Variants in MCM3 observed in about 807,000 individuals in gnomAD.
MCM3 encodes DNA replication licensing factor MCM3.
A neutral mutation model predicts 91.3 loss-of-function variants in MCM3; 59 were observed. The ratio of observed to expected loss-of-function variants is 0.65; its 90% CI spans 0.52 to 0.80. MCM3 has a LOEUF of 0.80. MCM3 is among the 30% of genes least tolerant of loss of function. The pLI is 0.00. For synonymous variants in MCM3, 383 were observed against 379.6 expected (o/e 1.01, Z -0.10); for missense variants, 919 against 1,035.4 (o/e 0.89, Z 1.54).
chr6:52,272,592 A>G, intron 11 of MCM3, 141 bp from the exon 12 acceptor site: 1 of 725,748 alleles, frequency 1.4e-6, no homozygotes, highest in Admixed American at 3.1e-5. Context: ...TGGAACATAG[A>G]CAAGACTCTT....
At chr6:52,267,096 C>CTTTTTTTTTTTTTTTTTTTT (rs70977337) in intron 14 of MCM3, among the ~76,000 whole-genome samples, 2 of 111,572 alleles carry the variant, frequency 1.8e-5, no homozygotes. Flanking sequence ...AGGGTATCTT[C>CTTTTTTTTTTTTTTTTTTTT]TTTTTTTTTT....
Position 52,278,724 on chromosome 6 carries a change from T to G in MCM3, c.879+18A>C. ...AGAAATCCATTCCCACCCTCAAATT[T>G]CTAAAGGATGCCCAGACCTTGGATC... is the stretch of plus-strand genomic sequence containing the variant. On this transcript the variant is annotated intron_variant, in intron 6 of 16. Coordinates refer to ENST00000596288, the MANE Select transcript of MCM3 (RefSeq NM_002388.6). 6.3e-7 allele frequency: 1 copy of G among 1,575,250 alleles called. No individual in the cohort carries two copies. The highest frequency in any genetic ancestry group is 1.1e-5 in the South Asian group (1 of 88,900).
intron 2 of MCM3, 136 bp downstream of exon 2, chr6:52,283,153 AAAAAT>A (rs1174527194): frequency 3.2e-5 from 20 of 616,022 alleles, no homozygotes; most frequent in East Asian, 2.4e-4. Flanking sequence ...AAAAAAAAAA[AAAAAT>A]AGGTGCAGGT....
chr6:52,274,064 A>G (rs1445191093), intron 9 of MCM3, 148 bp from the exon 10 acceptor site: 1 of 617,304 alleles, frequency 1.6e-6, no homozygotes, highest in African/African-American at 1.9e-5. Flanking sequence ...AGTGTTTTAA[A>G]GCCATTAAAC....
Position 52,276,408 on chromosome 6 carries a change from C to A in MCM3, c.1234G>T (p.Asp412Tyr). 6.2e-7 allele frequency: 1 copy of A among 1,614,194 alleles called. No homozygotes were observed. Among genetic ancestry groups the A allele is most frequent in the South Asian group, 1.1e-5 (1 of 91,054 alleles). ...GTGCGATCCATGTCAGACATTTTGT[C>A]AAATTCATCAATGCAAACCACGCCT... ...DRGVVCIDEFDKMSDMDRTAI... is the reference protein window; with the variant it reads ...DRGVVCIDEFYKMSDMDRTAI... The change falls in exon 9 of 17, where the codon GAC (aspartate) becomes TAC (tyrosine). Residue 412 changes from aspartate to tyrosine, a missense_variant. Physicochemically the swap from Asp to Tyr is radical, Grantham distance 160. Around this residue, in one of 3 missense-constraint regions of MCM3, gnomAD observed 233 missense variants for 321.2 expected, o/e 0.73. Transcript: ENST00000596288.
intron 4 of MCM3, 120 bp from the exon 5 acceptor site, chr6:52,279,719 C>T: frequency 1.3e-6 from 1 of 750,502 alleles, no homozygotes; most frequent in Non-Finnish European, 2.2e-6. Flanking sequence ...ACAAAAAAAG[C>T]CAAGTACCTT....
Position 52,272,361 on chromosome 6 carries a change from G to A in MCM3, c.1767C>T (p.Tyr589=). ...KPVLTQESAT[Y]IAEEYSRLRS... ...GCAGGCGTGAATACTCTTCTGCAAT[G>A]TAGGTGGCCGACTCCTGTGTCAGGA... The change falls in exon 12 of 17, where the codon TAC becomes TAT. Residue 589 remains tyrosine (Y), a synonymous_variant. Coordinates refer to ENST00000596288, the MANE Select transcript of MCM3 (RefSeq NM_002388.6). 6.2e-7 allele frequency: 1 copy of A among 1,614,192 alleles called. No homozygotes were observed. The highest frequency in any genetic ancestry group is 8.5e-7 in the Non-Finnish European group (1 of 1,180,036).
Position 52,277,617 on chromosome 6 carries a change from G to T in MCM3, c.951C>A (p.Ile317=), listed in dbSNP as rs759989347. The T allele has an allele frequency of 1.2e-6, 2 of 1,614,060 alleles. No homozygotes were observed. Among genetic ancestry groups the T allele is most frequent in the Non-Finnish European group, 8.5e-7 (1 of 1,179,966 alleles). The part of the protein sequence containing the change: ...IHGHDYVKKA[I]LCLLLGGVER... ...CCACCCCTCCCAAGAGCAAGCAGAG[G>T]ATTGCTTTCTTGACATAGTCATGCC... is the stretch of plus-strand genomic sequence containing the variant. The change falls in exon 7 of 17, where the codon ATC becomes ATA. Residue 317 remains isoleucine, a synonymous_variant. Transcript: ENST00000596288.
Position 52,276,347 on chromosome 6 carries a change from G to A in MCM3, c.1295C>T (p.Thr432Ile). 6.2e-7 allele frequency: 1 copy of A among 1,613,910 alleles called. No individual in the cohort carries two copies. The highest frequency in any genetic ancestry group is 8.5e-7 in the Non-Finnish European group (1 of 1,180,026). ...IHEVMEQGRV[T>I]IAKAGIHARL... ...AGCATGGATGCCAGCCTTGGCAATG[G>A]TCACTCGACCCTGCTCCATCACTTC... is the stretch of plus-strand genomic sequence containing the variant. Residue 432 changes from threonine to isoleucine, a missense_variant, in exon 9 of 17, where the codon ACC becomes ATC. Coordinates refer to ENST00000596288, the MANE Select transcript of MCM3 (RefSeq NM_002388.6).
rs546397665 is a variant in MCM3, at chr6:52,283,435, A to G, written c.79-29T>C. On this transcript the variant is annotated intron_variant, in intron 1 of 16. Transcript: ENST00000596288. The stretch of plus-strand genomic sequence containing the variant: ...CAAAACAGCCACCACATATCACCAT[A>G]GCCACAAATTTAAAAACAATGTTTC... 5.5e-6 allele frequency: 8 copies of G among 1,445,534 alleles called. No homozygotes were observed. In the African/African-American group the frequency reaches 9.8e-5, roughly 18 times the overall value. 89.5% of individuals were successfully genotyped at this position (1,445,534 alleles called of 1,614,324 possible). A position where few individuals can be genotyped will look rare whatever the true frequency, so the allele number is the denominator to read the frequency against.
At chr6:52,266,777 A>C (rs950534552) in intron 14 of MCM3, 81 bp from the exon 15 acceptor site, 7 of 1,057,030 alleles carry the variant, frequency 6.6e-6, no homozygotes, top group Non-Finnish European at 1.0e-5. Flanking sequence ...GCCTCTAACT[A>C]CGGAGAAAAG....
intron 1 of MCM3, among the ~76,000 whole-genome samples, chr6:52,283,720 A>C (rs568386143): frequency 2.0e-5 from 3 of 152,360 alleles, no homozygotes; most frequent in Admixed American, 2.0e-4. Context: ...GAGAAGTCTA[A>C]ATGGACAGTA....
intron 16 of MCM3, 152 bp from the exon 17 acceptor site, chr6:52,264,938 T>C: frequency 1.5e-6 from 1 of 669,006 alleles, no homozygotes; most frequent in Non-Finnish European, 2.6e-6. Context: ...ATGGCAGTGC[T>C]ACCCTTGAGG....
rs754087825 is a variant in MCM3 at position 52,282,809 on chromosome 6, C to G, written c.244G>C (p.Asp82His). The G allele has an allele frequency of 9.3e-6, 15 of 1,613,956 alleles. No individual in the cohort carries two copies. Among genetic ancestry groups the G allele is most frequent in the Non-Finnish European group, 1.1e-5 (13 of 1,180,036 alleles). The stretch of plus-strand genomic sequence containing the variant: ...GTAGCATCAATGGAGGCCACAAAAT[C>G]CTTTAAGGCCCGCTGGAAGGCAACC... ...ELVAFQRALK[D>H]FVASIDATYA... Residue 82 changes from aspartate to histidine, a missense_variant, in exon 3 of 17, where the codon GAT (aspartate) becomes CAT (histidine). Physicochemically the swap from Asp to His is moderately conservative, Grantham distance 81. Transcript: ENST00000596288.
At chr6:52,272,524 T>G in intron 11 of MCM3, 73 bp from the exon 12 acceptor site, 2 of 1,573,530 alleles carry the variant, frequency 1.3e-6, no homozygotes, top group South Asian at 1.1e-5. Context: ...GCTTTGCCTC[T>G]CAGAAAAGCC....
At position 52,282,039 on chromosome 6, in the gene MCM3, C is replaced by T. The variant is rs760928395; in HGVS notation, c.531+6G>A. The T allele has an allele frequency of 2.5e-6, 4 of 1,613,884 alleles. 1 individual carries two copies. Among genetic ancestry groups the T allele is most frequent in the Middle Eastern group, 1.7e-4 (1 of 6,058 alleles). On this transcript the variant is annotated splice_donor_region_variant and intron_variant, in intron 4 of 16. Coordinates refer to ENST00000596288, the MANE Select transcript of MCM3 (RefSeq NM_002388.6). Reference sequence around the variant, plus strand: ...CAAGACAGCTCAACTGATTTATCCCCCTTACCTTGGTAGGATAGACAGAGC... The same window carrying T: ...CAAGACAGCTCAACTGATTTATCCCTCTTACCTTGGTAGGATAGACAGAGC...
chr6:52,265,146 T>G (rs1764543982), intron 16 of MCM3: 1 of 346,984 alleles, frequency 2.9e-6, no homozygotes, highest in Admixed American at 4.2e-5. Context: ...GAGTGCACAC[T>G]GATAAATTTA....
chr6:52,273,605 A>C (rs930432823), intron 10 of MCM3, 137 bp downstream of exon 10: 1 of 884,104 alleles, frequency 1.1e-6, no homozygotes, highest in African/African-American at 1.7e-5. Flanking sequence ...CAAGAAGGGG[A>C]GGTGGCTAAA....
In MCM3 at chr6:52,274,690, GAA is replaced by G. The variant is rs35200263; in HGVS notation, c.1375-776_1375-775del. Among the ~76,000 whole-genome samples, 631 of 123,916 alleles carry G rather than the reference GAA, an allele frequency of 5.1e-3. 2 individuals are homozygous for G. Among genetic ancestry groups the G allele is most frequent in the African/African-American group, 0.017 (592 of 35,498 alleles). 81.3% of individuals were successfully genotyped at this position (123,916 alleles called of 152,430 possible). A position where few individuals can be genotyped will look rare whatever the true frequency, so the allele number is the denominator to read the frequency against. On this transcript the variant is annotated intron_variant, in intron 9 of 16. Transcript: ENST00000596288. ...GGTGGCAGGGTAAGACTATGTCTCA[GAA>G]AAAAAAAAAAAAAATCAAGGGAGTT...
Sources: gnomAD v4.1 joint callset for allele counts (sites outside exome capture counted in the v4.1 genomes callset) on GRCh38, gnomAD v4.1.1 for gene constraint, gnomAD v4.1.1 regional missense constraint, MANE v1.5 for transcripts, NCBI Gene and HGNC (gene_info 2026-07-23, HGNC 2026-07-21) for gene names.